Variants in TOM1L2 observed in about 807,000 individuals in gnomAD.
The protein encoded by TOM1L2 is target of myb1 like 2 membrane trafficking protein.
Under a neutral mutation model 67.9 loss-of-function variants are expected in TOM1L2, and 31 were observed. The observed-to-expected ratio is 0.46, with a 90% confidence interval of 0.34 to 0.62. TOM1L2 has a LOEUF of 0.62. TOM1L2 is among the 20% of genes least tolerant of loss of function. The probability of loss-of-function intolerance (pLI) is 0.01; values close to 1 mark genes in which losing one functional copy is unlikely to be tolerated. For missense variants in TOM1L2, 606 were observed against 663.5 expected, an observed-to-expected ratio of 0.91 and a Z score of 0.95; for synonymous variants, 256 against 254.0, an observed-to-expected ratio of 1.01 and a Z score of -0.07.
At chr17:17,889,105 G>T (rs772175200) in intron 4 of TOM1L2, among the ~76,000 whole-genome samples, 1 of 152,174 alleles carries the variant, frequency 6.6e-6, no homozygotes, top group African/African-American at 2.4e-5. Flanking sequence ...CTGAGCCCTC[G>T]CACATGTTGG....
At chr17:17,958,928 A>G (rs1423780630) in intron 1 of TOM1L2, among the ~76,000 whole-genome samples, 1 of 152,184 alleles carries the variant, frequency 6.6e-6, no homozygotes. Flanking sequence ...ATGCCCACAT[A>G]ATGAAACCTC....
intron 10 of TOM1L2, among the ~76,000 whole-genome samples, chr17:17,865,337 C>G (rs1438357162): frequency 6.6e-6 from 1 of 152,186 alleles, no homozygotes; most frequent in African/African-American, 2.4e-5. Flanking sequence ...ACCTGTGTTC[C>G]AAGAAGCCAA....
chr17:17,891,078 C>A (rs1293052192), intron 4 of TOM1L2, among the ~76,000 whole-genome samples: 3 of 152,208 alleles, frequency 2.0e-5, no homozygotes, highest in African/African-American at 7.2e-5. Flanking sequence ...TTATCTGAAG[C>A]CCATGCTTTT....
chr17:17,852,423 T>C (rs1254027974), intron 12 of TOM1L2, among the ~76,000 whole-genome samples: 1 of 152,194 alleles, frequency 6.6e-6, no homozygotes, highest in Non-Finnish European at 1.5e-5. Context: ...AGCTGGCCCC[T>C]TGCTCTGAGG....
At chr17:17,851,253 C>CT (rs901666110) in intron 12 of TOM1L2, 74 of 423,722 alleles carry the variant, frequency 1.7e-4, no homozygotes, top group African/African-American at 1.3e-3. Context: ...AGTGTCCACT[C>CT]TCACATTGCG....
rs775020276 is a variant in TOM1L2 at position 17,869,303 on chromosome 17, C to T, written c.911+37G>A. On this transcript the variant is annotated intron_variant, in intron 8 of 14. Coordinates refer to ENST00000379504, the MANE Select transcript of TOM1L2 (RefSeq NM_001082968.2). The stretch of plus-strand genomic sequence containing the variant: ...CCCTCTGTTATGGCAACAATCTTTT[C>T]AAGGGAAAAAAAAAAAAAAAGAAAT... 8 of 1,552,114 alleles carry T rather than the reference C, an allele frequency of 5.2e-6. No homozygotes were observed. In the East Asian group the frequency reaches 1.8e-4, roughly 35 times the overall value.
intron 14 of TOM1L2, 127 bp from the exon 15 acceptor site, chr17:17,847,910 G>A: frequency 1.6e-6 from 2 of 1,269,476 alleles, no homozygotes; most frequent in South Asian, 2.5e-5. Context: ...GAGCAGGTGG[G>A]TAGGGAGGGG....
At chr17:17,878,896 G>A (rs1338826214) in intron 7 of TOM1L2, among the ~76,000 whole-genome samples, 1 of 152,188 alleles carries the variant, frequency 6.6e-6, no homozygotes, top group Non-Finnish European at 1.5e-5. Context: ...GGAGATCTGG[G>A]CACTGGCTCT....
chr17:17,855,971 A>G (rs1398355561), intron 12 of TOM1L2, among the ~76,000 whole-genome samples: 1 of 152,124 alleles, frequency 6.6e-6, no homozygotes, highest in Non-Finnish European at 1.5e-5. Context: ...AGAAAAAAAA[A>G]AAAACAAACT....
chr17:17,897,581 C>T (rs1457396526), intron 3 of TOM1L2, among the ~76,000 whole-genome samples: 2 of 152,180 alleles, frequency 1.3e-5, no homozygotes, highest in African/African-American at 2.4e-5. Flanking sequence ...CACCTGAAGT[C>T]GTCTTTTTAA....
Position 17,869,455 on chromosome 17 carries a change from G to C in TOM1L2, c.796C>G (p.Arg266Gly). Reference sequence around the variant, plus strand: ...TCCACGATGCGCTGCTGCATGGCCCGACAGGTCCTGTTGAGCTCCTAGGGA... The same window carrying C: ...TCCACGATGCGCTGCTGCATGGCCCCACAGGTCCTGTTGAGCTCCTAGGGA... ...ELLQELNRTC[R>G]AMQQRIVELI... The change falls in exon 8 of 15, where the codon CGG becomes GGG. Residue 266 changes from arginine to glycine, a missense_variant. Arg to Gly is a moderately radical substitution (Grantham distance 125). Coordinates refer to ENST00000379504, the MANE Select transcript of TOM1L2 (RefSeq NM_001082968.2). 6.2e-7 allele frequency: 1 copy of C among 1,610,788 alleles called. No individual in the cohort carries two copies. Among genetic ancestry groups the C allele is most frequent in the Non-Finnish European group, 8.5e-7 (1 of 1,178,694 alleles).
In TOM1L2 at chr17:17,845,918, G is replaced by T. The variant is rs1328052258; in HGVS notation, c.*1717C>A. Reference sequence around the variant, plus strand: ...GCCACTCCACGGAGGAGCTTCCTGGGTGAACCTGAGCAACTGGAGTGAGAC... The same window carrying T: ...GCCACTCCACGGAGGAGCTTCCTGGTTGAACCTGAGCAACTGGAGTGAGAC... On this transcript the variant is annotated 3_prime_UTR_variant, in exon 15 of 15. Coordinates refer to ENST00000379504, the MANE Select transcript of TOM1L2 (RefSeq NM_001082968.2). The T allele has an allele frequency of 6.6e-6, 1 of 152,366 alleles. No homozygotes were observed. Among genetic ancestry groups the T allele is most frequent in the African/African-American group, 2.4e-5 (1 of 41,464 alleles). The allele number at this position is 152,366 out of a possible 1,614,324, so 9.4% of individuals were successfully genotyped here. A position where few individuals can be genotyped will look rare whatever the true frequency, so the allele number is the denominator to read the frequency against.
rs774716816 is a variant in TOM1L2 at position 17,847,657 on chromosome 17, T to G, written c.1502A>C (p.Glu501Ala). The G allele has an allele frequency of 6.2e-7, 1 of 1,613,302 alleles. No individual in the cohort carries two copies. Among genetic ancestry groups the G allele is most frequent in the Non-Finnish European group, 8.5e-7 (1 of 1,179,602 alleles). The change falls in exon 15 of 15, where the codon GAG (glutamate) becomes GCG (alanine). Residue 501 changes from glutamate to alanine, a missense_variant. Physicochemically the swap from Glu to Ala is moderately radical, Grantham distance 107. Coordinates refer to ENST00000379504, the MANE Select transcript of TOM1L2 (RefSeq NM_001082968.2). ...TGCTCACAGGGCGAAGAGGGCATCCTCTGACCGCTCTGGCTTCTTCCGGCC... is the reference window on the plus strand; with the variant it reads ...TGCTCACAGGGCGAAGAGGGCATCCGCTGACCGCTCTGGCTTCTTCCGGCC... The part of the protein sequence containing the change: ...PSGRKKPERS[E>A]DALFAL
chr17:17,904,715 A>G (rs540133147), intron 2 of TOM1L2, among the ~76,000 whole-genome samples: 1 of 152,286 alleles, frequency 6.6e-6, no homozygotes, highest in South Asian at 2.1e-4. Context: ...CTACCTTTCC[A>G]GCCGGATTCC....
chr17:17,851,209 A>G (rs1568046558), intron 12 of TOM1L2: 1 of 517,826 alleles, frequency 1.9e-6, no homozygotes, highest in East Asian at 3.3e-5. Flanking sequence ...AGGTGGCTGT[A>G]CGCGTTCTTG....
At chr17:17,897,794 G>A (rs1056905171) in intron 3 of TOM1L2, among the ~76,000 whole-genome samples, 5 of 152,126 alleles carry the variant, frequency 3.3e-5, no homozygotes, top group African/African-American at 1.2e-4. Context: ...CTGAGCCTCA[G>A]TTTCATCATC....
intron 1 of TOM1L2, 100 bp downstream of exon 1, chr17:17,972,162 G>T (rs1597502350): frequency 6.9e-7 from 1 of 1,443,964 alleles, no homozygotes; most frequent in East Asian, 2.6e-5. Context: ...GGCCCAGCCC[G>T]CTCGTGAAGT....
At chr17:17,904,924 T>C (rs1353434917) in intron 2 of TOM1L2, among the ~76,000 whole-genome samples, 3 of 152,200 alleles carry the variant, frequency 2.0e-5, no homozygotes, top group Admixed American at 6.5e-5. Flanking sequence ...GCCACAGCCC[T>C]TGCCAGTCCT....
At chr17:17,950,701 C>A (rs1352648245) in intron 1 of TOM1L2, among the ~76,000 whole-genome samples, 1 of 151,988 alleles carries the variant, frequency 6.6e-6, no homozygotes, top group African/African-American at 2.4e-5. Flanking sequence ...TAGATTAATG[C>A]CAAGTGAAAC....
Sources: gnomAD v4.1 joint callset for allele counts (sites outside exome capture counted in the v4.1 genomes callset) on GRCh38, gnomAD v4.1.1 for gene constraint, MANE v1.5 for transcripts, NCBI Gene and HGNC (gene_info 2026-07-23, HGNC 2026-07-21) for gene names.